The following HYDIN variants were observed in gnomAD, a reference collection of about 807,000 sequenced individuals.
HYDIN encodes the protein axonemal central pair apparatus protein HYDIN.
A neutral mutation model predicts 403.9 loss-of-function variants in HYDIN; 132 were observed. The observed-to-expected ratio is 0.33, with a 90% confidence interval of 0.28 to 0.38. HYDIN has a LOEUF of 0.38. HYDIN is among the 10% of genes least tolerant of loss of function. The probability of loss-of-function intolerance (pLI) is 1.00; values close to 1 mark genes in which losing one functional copy is unlikely to be tolerated. For missense variants in HYDIN, 2,827 were observed against 5,009.5 expected (o/e 0.56, Z 13.15); for synonymous variants, 1,202 against 1,891.7 (o/e 0.64, Z 9.46).
rs2035353757 is a variant in HYDIN, at chr16:70,809,885, A to C, written c.14781T>G (p.Leu4927=). The part of the protein sequence containing the change: ...YELYLKATPA[L]PEKPVHFQTV... ...TCTGGAAGTGAACAGGCTTTTCCGG[A>C]AGTGCTGGCGTGGCTTTCAGATAGA... Residue 4927 remains leucine (L), a synonymous_variant, in exon 85 of 86, where the codon CTT becomes CTG. Transcript: ENST00000393567. 1 of 1,614,188 alleles carries C rather than the reference A, an allele frequency of 6.2e-7. No individual in the cohort carries two copies. The highest frequency in any genetic ancestry group is 1.7e-5 in the Admixed American group (1 of 60,020).
intron 18 of HYDIN, among the ~76,000 whole-genome samples, chr16:71,037,449 C>T (rs58398024): frequency 3.4e-4 from 52 of 152,076 alleles, no homozygotes; most frequent in African/African-American, 1.1e-3. Context: ...TCTTGGAGCA[C>T]GATTATCCTC....
At chr16:71,073,513 C>T (rs115822152) in intron 13 of HYDIN, among the ~76,000 whole-genome samples, 2,679 of 152,300 alleles carry the variant, frequency 0.018, 62 homozygotes, top group African/African-American at 0.061. Context: ...ATAGAAGAGA[C>T]ACCGGTAATG....
At chr16:70,930,534 A>G (rs1230365520) in intron 45 of HYDIN, among the ~76,000 whole-genome samples, 1 of 152,172 alleles carries the variant, frequency 6.6e-6, no homozygotes, top group Admixed American at 6.5e-5. Flanking sequence ...GAGCCACAGA[A>G]AGAAGTCCTG....
chr16:71,217,146 T>C (rs780651002), intron 1 of HYDIN, among the ~76,000 whole-genome samples: 13 of 152,242 alleles, frequency 8.5e-5, no homozygotes, highest in Non-Finnish European at 1.6e-4. Flanking sequence ...AAGGTTCTCC[T>C]TTCCAGTATT....
chr16:71,086,644 C>T (rs2036976), intron 12 of HYDIN, among the ~76,000 whole-genome samples: 11 of 151,696 alleles, frequency 7.3e-5, no homozygotes, highest in Non-Finnish European at 1.3e-4. Flanking sequence ...TTGCTGCTTA[C>T]GTATGAAGGC....
intron 9 of HYDIN, among the ~76,000 whole-genome samples, chr16:71,116,094 A>G (rs1042090093): frequency 1.3e-5 from 2 of 152,114 alleles, no homozygotes. Flanking sequence ...GTCACCATGC[A>G]CTACATTAGG....
At chr16:71,229,391 A>T (rs995527403) in intron 1 of HYDIN, among the ~76,000 whole-genome samples, 6 of 152,146 alleles carry the variant, frequency 3.9e-5, no homozygotes, top group Non-Finnish European at 7.4e-5. Flanking sequence ...TTACCATATA[A>T]CCTATCAATC....
At chr16:71,093,978 T>C (rs1597760122) in intron 10 of HYDIN, 43 bp from the exon 11 acceptor site, 17 of 1,600,086 alleles carry the variant, frequency 1.1e-5, no homozygotes, top group Non-Finnish European at 1.5e-5. Context: ...TGGTGCTTCA[T>C]TTACCCCAAA....
chr16:70,997,844 G>T (rs2079579939), intron 23 of HYDIN, among the ~76,000 whole-genome samples: 1 of 151,600 alleles, frequency 6.6e-6, no homozygotes, highest in Admixed American at 6.6e-5. Flanking sequence ...AGTAAAAAGG[G>T]TTATAAAGAT....
At chr16:70,818,304 C>T (rs2035978390) in intron 84 of HYDIN, 38 bp downstream of exon 84, 2 of 1,434,362 alleles carry the variant, frequency 1.4e-6, no homozygotes, top group South Asian at 1.2e-5. Flanking sequence ...GCCACTCTCA[C>T]AGCTCTCAGG....
intron 83 of HYDIN, among the ~76,000 whole-genome samples, chr16:70,826,772 TTTTTTC>T (rs2036627058): frequency 6.9e-6 from 1 of 145,702 alleles, no homozygotes; most frequent in African/African-American, 2.8e-5. Flanking sequence ...GATACTTTCT[TTTTTTC>T]TTTTTCTTTT....
chr16:71,009,115 T>C (rs376044481), intron 23 of HYDIN, among the ~76,000 whole-genome samples: 7,148 of 148,136 alleles, frequency 0.048, 123 homozygotes, highest in African/African-American at 0.17. Flanking sequence ...CCAGTGCCAG[T>C]GAGTTACAGC....
At chr16:70,944,522 C>T in intron 41 of HYDIN, among the ~76,000 whole-genome samples, 1 of 151,994 alleles carries the variant, frequency 6.6e-6, no homozygotes, top group Non-Finnish European at 1.5e-5. Flanking sequence ...GGACAGCAAG[C>T]TCTTTCAACG....
At chr16:70,875,041 C>T (rs1213204136) in intron 62 of HYDIN, 122 bp from the exon 63 acceptor site, 5 of 1,069,918 alleles carry the variant, frequency 4.7e-6, no homozygotes, top group African/African-American at 1.6e-5. Context: ...GCCTAGTATT[C>T]ACTTTTTTGA....
chr16:70,853,020 A>G (rs1296111027), intron 73 of HYDIN, among the ~76,000 whole-genome samples: 1 of 151,806 alleles, frequency 6.6e-6, no homozygotes, highest in Non-Finnish European at 1.5e-5. Context: ...CTAAAAAAAA[A>G]AAAAAAAAAA....
At chr16:71,209,310 T>G (rs1057244055) in intron 1 of HYDIN, among the ~76,000 whole-genome samples, 1 of 151,496 alleles carries the variant, frequency 6.6e-6, no homozygotes, top group African/African-American at 2.4e-5. Flanking sequence ...ATTATCTCAA[T>G]AGATGAAGAA....
intron 65 of HYDIN, among the ~76,000 whole-genome samples, 170 bp downstream of exon 65, chr16:70,871,867 T>C (rs1206229363): frequency 1.4e-5 from 2 of 139,182 alleles, no homozygotes; most frequent in African/African-American, 2.8e-5. Flanking sequence ...AGGAGAGACA[T>C]GAACAGTGTT....
At chr16:70,840,919 T>G (rs528996981) in intron 75 of HYDIN, among the ~76,000 whole-genome samples, 1 of 152,248 alleles carries the variant, frequency 6.6e-6, no homozygotes, top group African/African-American at 2.4e-5. Context: ...TGAAGTTAAT[T>G]TGCTCTTCAC....
chr16:70,931,205 CTTCTGTTTTTTT>C (rs1213093595), intron 45 of HYDIN, among the ~76,000 whole-genome samples: 4 of 99,446 alleles, frequency 4.0e-5, no homozygotes, highest in Non-Finnish European at 8.6e-5. Flanking sequence ...GTCTCTCTTT[CTTCTGTTTTTTT>C]TTTTTTTTTT....
Sources: allele counts gnomAD v4.1 joint callset (sites outside exome capture counted in the v4.1 genomes callset), GRCh38; gene constraint gnomAD v4.1.1; transcripts MANE v1.5; gene names NCBI Gene and HGNC (gene_info 2026-07-23, HGNC 2026-07-21).